NBAS: variants seen among roughly 807,000 people sequenced by gnomAD.
The protein encoded by NBAS is NBAS subunit of NRZ tethering complex.
NBAS carries 219 observed loss-of-function variants against 302.5 expected under a neutral mutation model. The ratio of observed to expected loss-of-function variants is 0.72; its 90% CI spans 0.65 to 0.81. The LOEUF is 0.81. Among genes scored for constraint, NBAS ranks in the 30% least tolerant of loss-of-function variants. The pLI, the probability that NBAS is intolerant of heterozygous loss-of-function variation, is 0.00. For missense variants in NBAS, 2,932 were observed against 2,841.6 expected (o/e 1.03, Z -0.72); for synonymous variants, 1,118 against 1,021.6 (o/e 1.09, Z -1.80).
At chr2:15,073,498 A>AAAAAAG in the NBAS span, among the ~76,000 whole-genome samples, 2 of 140,822 alleles carry the variant, frequency 1.4e-5, no homozygotes, top group African/African-American at 2.8e-5. Context: ...AAAATAAAAA[A>AAAAAAG]TAAAACAATA....
At chr2:15,007,210 T>C in the NBAS span, among the ~76,000 whole-genome samples, 1 of 152,218 alleles carries the variant, frequency 6.6e-6, no homozygotes, top group South Asian at 2.1e-4. Context: ...ATACACTAGG[T>C]GAGGCAATTA....
the NBAS span, among the ~76,000 whole-genome samples, chr2:14,985,322 A>G: frequency 6.6e-6 from 1 of 152,242 alleles, no homozygotes; most frequent in Non-Finnish European, 1.5e-5. Flanking sequence ...AGGTTAAAGG[A>G]AAAATTAGAA....
chr2:15,551,907 A>G (rs1363206920), intron 5 of NBAS, among the ~76,000 whole-genome samples: 1 of 152,210 alleles, frequency 6.6e-6, no homozygotes, highest in African/African-American at 2.4e-5. Context: ...ATCATTCCTA[A>G]TTAAGAACCA....
chr2:15,334,309 C>G (rs1330236936), intron 35 of NBAS, among the ~76,000 whole-genome samples: 1 of 152,052 alleles, frequency 6.6e-6, no homozygotes, highest in African/African-American at 2.4e-5. Flanking sequence ...CCTGCCTCAG[C>G]CTCCCAAGTA....
chr2:15,177,854 T>C (rs1664624667), intron 51 of NBAS: 1 of 246,772 alleles, frequency 4.1e-6, no homozygotes, highest in South Asian at 5.2e-5. Context: ...GAGGCCTTCG[T>C]TCTGATTAAT....
At chr2:15,523,463 AGAT>A (rs71972972) in intron 9 of NBAS, among the ~76,000 whole-genome samples, 93,449 of 151,618 alleles carry the variant, frequency 0.62, 29,658 homozygotes, top group Non-Finnish European at 0.68. Context: ...AGTAATCTAG[AGAT>A]GATGTGAAAT....
intron 44 of NBAS, among the ~76,000 whole-genome samples, chr2:15,273,138 C>G (rs1406537913): frequency 6.6e-6 from 1 of 152,188 alleles, no homozygotes; most frequent in East Asian, 1.9e-4. Flanking sequence ...AACCTCCAGC[C>G]TGAGGGTGGA....
At chr2:15,464,612 C>T (rs1014348440) in intron 19 of NBAS, among the ~76,000 whole-genome samples, 5 of 152,138 alleles carry the variant, frequency 3.3e-5, no homozygotes, top group African/African-American at 9.6e-5. Context: ...ATTCTAAACA[C>T]CTGCTCTAGA....
At chr2:15,548,363 A>C (rs376995844) in intron 6 of NBAS, among the ~76,000 whole-genome samples, 1 of 152,170 alleles carries the variant, frequency 6.6e-6, no homozygotes, top group Non-Finnish European at 1.5e-5. Context: ...GAAATCAGGC[A>C]AGGCACAGTG....
At chr2:14,884,589 G>A in the NBAS span, among the ~76,000 whole-genome samples, 1 of 152,122 alleles carries the variant, frequency 6.6e-6, no homozygotes, top group East Asian at 1.9e-4. Context: ...ATTTAGTTAT[G>A]CAACAAAAAT....
chr2:15,105,459 C>CA, the NBAS span, among the ~76,000 whole-genome samples: 106 of 138,872 alleles, frequency 7.6e-4, no homozygotes, highest in East Asian at 5.7e-3. Flanking sequence ...TGACTACTTA[C>CA]AAAAAAAAAA....
intron 50 of NBAS, among the ~76,000 whole-genome samples, chr2:15,186,130 A>G (rs55702810): frequency 0.088 from 13,172 of 149,856 alleles, 740 homozygotes; most frequent in South Asian, 0.23. Context: ...GTATGTGTGT[A>G]TATATATATA....
intron 47 of NBAS, among the ~76,000 whole-genome samples, chr2:15,223,233 A>G (rs1481155633): frequency 6.6e-6 from 1 of 152,256 alleles, no homozygotes. Context: ...CAGCAAATAT[A>G]CAAACACATA....
intron 47 of NBAS, among the ~76,000 whole-genome samples, chr2:15,223,020 A>G (rs1299845010): frequency 2.0e-5 from 3 of 152,234 alleles, no homozygotes; most frequent in Non-Finnish European, 4.4e-5. Flanking sequence ...AAATAGAAGC[A>G]TTGTGTTCTG....
At chr2:15,125,927 ATT>A in the NBAS span, among the ~76,000 whole-genome samples, 1 of 152,104 alleles carries the variant, frequency 6.6e-6, no homozygotes, top group Non-Finnish European at 1.5e-5. Flanking sequence ...AGAAGGGATG[ATT>A]GTATTTTGCC....
intron 38 of NBAS, among the ~76,000 whole-genome samples, chr2:15,326,822 C>T (rs973871891): frequency 1.3e-5 from 2 of 151,950 alleles, no homozygotes; most frequent in Admixed American, 6.6e-5. Context: ...TCAAGGGACC[C>T]GCACAGTGGA....
chr2:14,910,231 C>T, the NBAS span, among the ~76,000 whole-genome samples: 9 of 152,172 alleles, frequency 5.9e-5, no homozygotes. Context: ...AATCAAAGAA[C>T]ATGACTTCTT....
the NBAS span, among the ~76,000 whole-genome samples, chr2:14,809,598 G>A: frequency 6.6e-6 from 1 of 152,206 alleles, no homozygotes; most frequent in South Asian, 2.1e-4. Flanking sequence ...TTGCTGCAGG[G>A]GCAGGGCCCT....
At chr2:15,442,920 C>T (rs1678510199) in intron 21 of NBAS, among the ~76,000 whole-genome samples, 1 of 152,116 alleles carries the variant, frequency 6.6e-6, no homozygotes, top group African/African-American at 2.4e-5. Flanking sequence ...GGATAAATTC[C>T]TCGACACATA....
Sources: allele counts gnomAD v4.1 joint callset (sites outside exome capture counted in the v4.1 genomes callset), GRCh38; gene constraint gnomAD v4.1.1; transcripts MANE v1.5; gene names NCBI Gene and HGNC (gene_info 2026-07-23, HGNC 2026-07-21).